TAX1BP1: variants seen among roughly 807,000 people sequenced by gnomAD.
TAX1BP1 encodes the protein Tax1 binding protein 1.
In TAX1BP1, 62 loss-of-function variants were observed where a neutral mutation model predicts 97.7. The ratio of observed to expected loss-of-function variants is 0.63; its 90% CI spans 0.52 to 0.78. TAX1BP1 has a LOEUF of 0.78. Among genes scored for constraint, TAX1BP1 ranks in the 30% least tolerant of loss-of-function variants. TAX1BP1 has a pLI of 0.00. For missense variants in TAX1BP1, 867 were observed against 916.1 expected, an observed-to-expected ratio of 0.95 and a Z score of 0.69; for synonymous variants, 340 against 304.2, an observed-to-expected ratio of 1.12 and a Z score of -1.23.
intron 3 of TAX1BP1, among the ~76,000 whole-genome samples, chr7:27,761,793 T>C (rs943857338): frequency 3.9e-5 from 6 of 152,240 alleles, no homozygotes; most frequent in African/African-American, 1.4e-4. Flanking sequence ...AACACTCTTG[T>C]GCAAGTTTTT....
intron 2 of TAX1BP1, among the ~76,000 whole-genome samples, chr7:27,756,262 G>A (rs1451883050): frequency 6.6e-6 from 1 of 152,104 alleles, no homozygotes; most frequent in Non-Finnish European, 1.5e-5. Context: ...CCCATTCTCT[G>A]TATCTTTCCA....
chr7:27,739,437 A>C (rs1173750492), upstream of TAX1BP1: 1 of 152,240 alleles, frequency 6.6e-6, no homozygotes, highest in Non-Finnish European at 1.5e-5. Flanking sequence ...TTACGATTCA[A>C]ACTGAATGTC....
intron 2 of TAX1BP1, among the ~76,000 whole-genome samples, chr7:27,755,020 A>T (rs1173247414): frequency 1.3e-5 from 2 of 152,100 alleles, no homozygotes; most frequent in Non-Finnish European, 2.9e-5. Context: ...GCTGTTTATG[A>T]TATTTCTCTT....
chr7:27,754,208 A>T (rs1011603858), intron 2 of TAX1BP1, among the ~76,000 whole-genome samples: 1 of 152,102 alleles, frequency 6.6e-6, no homozygotes, highest in Non-Finnish European at 1.5e-5. Flanking sequence ...CAGTGATTTT[A>T]TGCTTGAATA....
intron 16 of TAX1BP1, among the ~76,000 whole-genome samples, chr7:27,828,022 G>A (rs1050234359): frequency 6.6e-6 from 1 of 152,192 alleles, no homozygotes; most frequent in Non-Finnish European, 1.5e-5. Flanking sequence ...TTAACTTGCA[G>A]TATTTAAAAG....
At chr7:27,812,455 C>A (rs914404969) in intron 13 of TAX1BP1, among the ~76,000 whole-genome samples, 1 of 152,004 alleles carries the variant, frequency 6.6e-6, no homozygotes, top group African/African-American at 2.4e-5. Flanking sequence ...TTTTTTACAA[C>A]ATTATCTTTT....
chr7:27,796,135 A>T lies in TAX1BP1; in HGVS notation c.1554A>T (p.Ile518=). The change falls in exon 12 of 17, where the codon ATA becomes ATT. Residue 518 remains isoleucine (I), a synonymous_variant. Transcript: ENST00000396319. ...CTACAGCAGAGGCAGATTTTGACAT[A>T]GTAACAAAGGGGCAAGTCTGTGAAA... ...SPSAAEADFD[I]VTKGQVCEMT... The T allele has an allele frequency of 6.2e-7, 1 of 1,606,612 alleles. No individual in the cohort carries two copies. The highest frequency in any genetic ancestry group is 8.5e-7 in the Non-Finnish European group (1 of 1,178,046).
At position 27,805,612 on chromosome 7, in the gene TAX1BP1, G is replaced by A. The variant is rs113882679; in HGVS notation, c.1764+5522G>A. Among the ~76,000 whole-genome samples, 1,140 of 152,234 alleles carry A rather than the reference G, an allele frequency of 7.5e-3. 16 individuals are homozygous for A. Among genetic ancestry groups the A allele is most frequent in the African/African-American group, 0.026 (1,096 of 41,550 alleles). On this transcript the variant is annotated intron_variant, in intron 13 of 16. Transcript: ENST00000396319. ...AGCACTTTGGGAGGCTGAGGCTTGT[G>A]GATCACCTGAGGTCAGGAACTCGAG...
At chr7:27,812,131 A>G (rs1247616008) in intron 13 of TAX1BP1, among the ~76,000 whole-genome samples, 1 of 152,208 alleles carries the variant, frequency 6.6e-6, no homozygotes, top group African/African-American at 2.4e-5. Flanking sequence ...TGAGCATTCC[A>G]ACTGCTCCAT....
In TAX1BP1 at chr7:27,745,268, A is replaced by G. The variant is rs76103399; in HGVS notation, c.-7-3250A>G. Among the ~76,000 whole-genome samples the G allele has an allele frequency of 5.4e-3, 825 of 152,294 alleles. 16 individuals carry two copies. Among genetic ancestry groups the G allele is most frequent in the East Asian group, 0.024 (124 of 5,190 alleles). On this transcript the variant is annotated intron_variant, in intron 1 of 16. Coordinates refer to ENST00000396319, the MANE Select transcript of TAX1BP1 (RefSeq NM_006024.7). ...GAAGCTACACTTCCCAGGCATTACC[A>G]CAAGGTGATGCAGTGACTTTGCATA...
chr7:27,797,633 T>G (rs992717201), intron 12 of TAX1BP1, among the ~76,000 whole-genome samples: 4 of 150,988 alleles, frequency 2.6e-5, no homozygotes, highest in African/African-American at 9.7e-5. Flanking sequence ...TAACCAAAGT[T>G]AAAATGAATT....
In TAX1BP1 at chr7:27,766,077, G is replaced by A; in HGVS notation, c.453+56G>A. 3.3e-6 allele frequency: 5 copies of A among 1,529,780 alleles called. No individual in the cohort carries two copies. In the South Asian group the frequency reaches 4.7e-5, roughly 15 times the overall value. 94.8% of individuals were successfully genotyped at this position (1,529,780 alleles called of 1,614,324 possible). A position where few individuals can be genotyped will look rare whatever the true frequency, so the allele number is the denominator to read the frequency against. ...TGATAATTTTAAGAACAGAGCTCAT[G>A]TTGGTTGGCATTTTAAGAATTTTAA... On this transcript the variant is annotated intron_variant, in intron 4 of 16. Transcript: ENST00000396319.
intron 5 of TAX1BP1, among the ~76,000 whole-genome samples, chr7:27,777,018 T>C (rs1209915456): frequency 6.6e-6 from 1 of 152,196 alleles, no homozygotes; most frequent in Non-Finnish European, 1.5e-5. Flanking sequence ...CTTTCATGTT[T>C]CTATGTGTTT....
Position 27,816,967 on chromosome 7 carries a change from A to G in TAX1BP1, c.2014A>G (p.Asn672Asp). Residue 672 changes from asparagine to aspartate, a missense_variant, in exon 15 of 17, where the codon AAT (asparagine) becomes GAT (aspartate). By Grantham distance (23) the Asn-to-Asp change is conservative. Coordinates refer to ENST00000396319, the MANE Select transcript of TAX1BP1 (RefSeq NM_006024.7). ...AGTCCCCTCTTGGGGACTGGAAGAC[A>G]ATGTTGTCTGCAGCCAGCCTGCTCG... is the stretch of plus-strand genomic sequence containing the variant. ...VRVPSWGLED[N>D]VVCSQPARNF... is the part of the protein sequence containing the mutation. 1 of 1,614,142 alleles carries G rather than the reference A, an allele frequency of 6.2e-7. No homozygotes were observed. The highest frequency in any genetic ancestry group is 8.5e-7 in the Non-Finnish European group (1 of 1,179,992).
chr7:27,824,042 C>G (rs1261004427), intron 15 of TAX1BP1, among the ~76,000 whole-genome samples: 2 of 151,994 alleles, frequency 1.3e-5, no homozygotes, highest in Non-Finnish European at 2.9e-5. Flanking sequence ...TTGTTTCTAC[C>G]TTTTGACTAT....
rs1788293344 is a variant in TAX1BP1 at position 27,758,091 on chromosome 7, T to G, written c.223T>G (p.Tyr75Asp). 1.2e-6 allele frequency: 2 copies of G among 1,612,556 alleles called. No homozygotes were observed. Among genetic ancestry groups the G allele is most frequent in the Non-Finnish European group, 1.7e-6 (2 of 1,179,294 alleles). Residue 75 changes from tyrosine to aspartate, a missense_variant, in exon 3 of 17, where the codon TAT becomes GAT. Physicochemically the swap from Tyr to Asp is radical, Grantham distance 160. Transcript: ENST00000396319. ...TTTATGGTCCCCTATGCCTGAACAT[T>G]ATGTGGAAGGATCAACAGTCAATTG... is the stretch of plus-strand genomic sequence containing the variant. Reference protein sequence around the residue: ...TFLWSPMPEHYVEGSTVNCVL... With the variant: ...TFLWSPMPEHDVEGSTVNCVL...
At chr7:27,826,445 T>C (rs1374734126) in intron 15 of TAX1BP1, among the ~76,000 whole-genome samples, 1 of 152,166 alleles carries the variant, frequency 6.6e-6, no homozygotes, top group East Asian at 1.9e-4. Flanking sequence ...CTTTTTTTGG[T>C]GCTCCTTCCC....
chr7:27,769,755 T>A lies in TAX1BP1; in HGVS notation c.533T>A (p.Leu178His), dbSNP rs754741434. Residue 178 changes from leucine to histidine, a missense_variant, in exon 5 of 17, where the codon CTT (leucine) becomes CAT (histidine). Physicochemically the swap from Leu to His is moderately conservative, Grantham distance 99. Around this residue, in one of 3 missense-constraint regions of TAX1BP1, gnomAD observed 822 missense variants for 851.4 expected, o/e 0.97. Transcript: ENST00000396319. ...IAVLEKETAQ[L>H]REQVGRMERE... is the part of the protein sequence containing the mutation. The stretch of plus-strand genomic sequence containing the variant: ...GTTCTGGAAAAAGAAACAGCACAAC[T>A]TCGAGAACAAGTTGGGAGAATGGAA... 6.2e-7 allele frequency: 1 copy of A among 1,612,636 alleles called. No individual in the cohort carries two copies. The highest frequency in any genetic ancestry group is 2.2e-5 in the East Asian group (1 of 44,762).
In TAX1BP1 at chr7:27,790,266, A is replaced by G. The variant is rs116559714; in HGVS notation, c.1039-1740A>G. ...CAACTGCCTAGTATTTCTTCTCTTCATTTAACAACTGTGTAGTATATGTTT... is the reference window on the plus strand; with the variant it reads ...CAACTGCCTAGTATTTCTTCTCTTCGTTTAACAACTGTGTAGTATATGTTT... On this transcript the variant is annotated intron_variant, in intron 8 of 16. Transcript: ENST00000396319. Among the ~76,000 whole-genome samples the G allele has an allele frequency of 4.8e-3, 733 of 151,918 alleles. 14 individuals carry two copies. Among genetic ancestry groups the G allele is most frequent in the African/African-American group, 0.017 (699 of 41,504 alleles).
Sources: allele counts gnomAD v4.1 joint callset (sites outside exome capture counted in the v4.1 genomes callset), GRCh38; gene constraint gnomAD v4.1.1; regional missense constraint gnomAD v4.1.1; transcripts MANE v1.5; gene names NCBI Gene and HGNC (gene_info 2026-07-23, HGNC 2026-07-21).